The following AMD1 variants were observed in gnomAD, a reference collection of about 807,000 sequenced individuals.
AMD1 encodes the protein adenosylmethionine decarboxylase 1, also known as S-adenosylmethionine decarboxylase proenzyme.
Under a neutral mutation model 40.2 loss-of-function variants are expected in AMD1, and 11 were observed. That is an observed-to-expected ratio of 0.27 (90% confidence interval 0.17 to 0.45). The LOEUF is 0.45. Among genes scored for constraint, AMD1 ranks in the 20% least tolerant of loss-of-function variants. The probability of loss-of-function intolerance (pLI) is 1.00; values close to 1 mark genes in which losing one functional copy is unlikely to be tolerated. For synonymous variants in AMD1, 121 were observed against 130.8 expected, an observed-to-expected ratio of 0.93 and a Z score of 0.51; for missense variants, 257 against 410.2, an observed-to-expected ratio of 0.63 and a Z score of 3.23.
the AMD1 span, chr6:110,858,716 AAGGCTGGCC>A: frequency 1.2e-6 from 1 of 808,664 alleles, no homozygotes; most frequent in South Asian, 1.4e-5. Context: ...CGCCACCATG[AAGGCTGGCC>A]AGTGCACCAT....
In AMD1 at chr6:110,894,217, C is replaced by CAAA. The variant is rs1387169701; in HGVS notation, c.*601_*602insAAA. 2 of 152,978 alleles carry CAAA rather than the reference C, an allele frequency of 1.3e-5. No individual in the cohort carries two copies. The highest frequency in any genetic ancestry group is 2.4e-5 in the African/African-American group (1 of 41,450). 9.5% of individuals were successfully genotyped at this position (152,978 alleles called of 1,614,324 possible). ...TCCAGTTACTCATTTTGCATATTTG[C>CAAA]TATTTTAACATTATTGGACCCTGCA... On this transcript the variant is annotated 3_prime_UTR_variant, in exon 9 of 9. Transcript: ENST00000368885.
chr6:110,868,816 G>A, the AMD1 span, among the ~76,000 whole-genome samples: 6 of 152,030 alleles, frequency 3.9e-5, no homozygotes. Context: ...AGCACTTTGG[G>A]AGGCCAAGGT....
At chr6:110,841,201 T>C in the AMD1 span, among the ~76,000 whole-genome samples, 49,868 of 152,034 alleles carry the variant, frequency 0.33, 9,232 homozygotes, top group East Asian at 0.67. Flanking sequence ...TTAGTAGAGA[T>C]GGGGTTTCTC....
At chr6:110,866,921 C>G in the AMD1 span, among the ~76,000 whole-genome samples, 4 of 151,932 alleles carry the variant, frequency 2.6e-5, no homozygotes. Context: ...TCAAGCTAGT[C>G]TCCTGCCTCA....
At chr6:110,841,447 T>C in the AMD1 span, among the ~76,000 whole-genome samples, 2 of 152,246 alleles carry the variant, frequency 1.3e-5, no homozygotes, top group African/African-American at 2.4e-5. Flanking sequence ...CTCACGGGCA[T>C]GTCCCAGCTC....
At chr6:110,889,055 A>T (rs1334576115) in intron 3 of AMD1, 72 bp downstream of exon 3, 3 of 1,546,274 alleles carry the variant, frequency 1.9e-6, no homozygotes, top group Non-Finnish European at 2.6e-6. Flanking sequence ...ATGCGAAGTA[A>T]ATAAATTTAT....
chr6:110,814,764 C>T, the AMD1 span: 1 of 658,738 alleles, frequency 1.5e-6, no homozygotes, highest in Non-Finnish European at 2.8e-6. Context: ...GGAGGGCGCC[C>T]CTCTGGGACG....
At position 110,894,219 on chromosome 6, in the gene AMD1, AT is replaced by A. The variant is rs1303044981; in HGVS notation, c.*607del. ...CAGTTACTCATTTTGCATATTTGCTATTTTAACATTATTGGACCCTGCATTT... is the reference window on the plus strand; with the variant it reads ...CAGTTACTCATTTTGCATATTTGCTATTTAACATTATTGGACCCTGCATTT... On this transcript the variant is annotated 3_prime_UTR_variant, in exon 9 of 9. Transcript: ENST00000368885. 5 of 153,022 alleles carry A rather than the reference AT, an allele frequency of 3.3e-5. No individual in the cohort carries two copies. Among genetic ancestry groups the A allele is most frequent in the African/African-American group, 1.2e-4 (5 of 41,450 alleles). 9.5% of individuals were successfully genotyped at this position (153,022 alleles called of 1,614,324 possible). A position where few individuals can be genotyped will look rare whatever the true frequency, so the allele number is the denominator to read the frequency against.
At position 110,875,018 on chromosome 6, in the gene AMD1, A is replaced by T; in HGVS notation, c.-88A>T. The T allele has an allele frequency of 2.0e-6, 2 of 1,015,418 alleles. No homozygotes were observed. The highest frequency in any genetic ancestry group is 3.0e-6 in the Non-Finnish European group (2 of 664,182). The allele number at this position is 1,015,418 out of a possible 1,614,324, so 62.9% of individuals were successfully genotyped here. The stretch of plus-strand genomic sequence containing the variant: ...TGAACTTTAGTAACACAGCTGGAAC[A>T]ATCCGCAGCGGCGGCGGCAGCGGCG... On this transcript the variant is annotated 5_prime_UTR_variant, in exon 1 of 9. Transcript: ENST00000368885.
chr6:110,820,254 G>A, the AMD1 span, among the ~76,000 whole-genome samples: 1 of 95,780 alleles, frequency 1.0e-5, no homozygotes, highest in Non-Finnish European at 2.2e-5. Context: ...TTTTTTTTTT[G>A]AGATGGACTT....
the AMD1 span, chr6:110,815,326 T>C: frequency 7.3e-5 from 35 of 480,316 alleles, no homozygotes; most frequent in Admixed American, 4.6e-4. Flanking sequence ...AGCAGCCACC[T>C]CCTCCACCTC....
the AMD1 span, among the ~76,000 whole-genome samples, chr6:110,848,156 G>T: frequency 2.6e-5 from 4 of 152,194 alleles, no homozygotes; most frequent in East Asian, 7.7e-4. Flanking sequence ...TGTTTGGAAT[G>T]AAGAGCTTGA....
chr6:110,849,490 A>G, the AMD1 span, among the ~76,000 whole-genome samples: 2 of 152,248 alleles, frequency 1.3e-5, no homozygotes, highest in African/African-American at 4.8e-5. Flanking sequence ...TTGAAGATCA[A>G]TCTTTTGAAT....
chr6:110,872,595 T>C (rs1784937399), upstream of AMD1, among the ~76,000 whole-genome samples: 1 of 152,210 alleles, frequency 6.6e-6, no homozygotes, highest in African/African-American at 2.4e-5. Flanking sequence ...AAGCAAAGAT[T>C]AACCAACTTA....
At chr6:110,878,168 C>T (rs1165622057) in intron 1 of AMD1, among the ~76,000 whole-genome samples, 1 of 152,176 alleles carries the variant, frequency 6.6e-6, no homozygotes, top group East Asian at 1.9e-4. Context: ...TTCACGCATT[C>T]TTCTGGGAAA....
the AMD1 span, among the ~76,000 whole-genome samples, chr6:110,838,969 G>A: frequency 2.0e-5 from 3 of 152,180 alleles, no homozygotes; most frequent in African/African-American, 7.2e-5. Context: ...GTTTCAGCAT[G>A]TCGGCCAGGC....
the AMD1 span, among the ~76,000 whole-genome samples, chr6:110,817,217 GC>G: frequency 6.6e-6 from 1 of 152,170 alleles, no homozygotes; most frequent in African/African-American, 2.4e-5. Flanking sequence ...ATAGTGAACT[GC>G]CTGCTAGGTT....
At chr6:110,852,982 C>CTTTTTTTTTTT in the AMD1 span, among the ~76,000 whole-genome samples, 1 of 111,496 alleles carries the variant, frequency 9.0e-6, no homozygotes, top group Admixed American at 9.3e-5. Flanking sequence ...TAATTAAGCA[C>CTTTTTTTTTTT]TTTTTTTTTT....
At chr6:110,844,416 C>A in the AMD1 span, among the ~76,000 whole-genome samples, 1 of 151,658 alleles carries the variant, frequency 6.6e-6, no homozygotes, top group Non-Finnish European at 1.5e-5. Context: ...CCTTGGCCTC[C>A]TAAAGTGCTG....
Sources: allele counts gnomAD v4.1 joint callset (sites outside exome capture counted in the v4.1 genomes callset), GRCh38; gene constraint gnomAD v4.1.1; transcripts MANE v1.5; gene names NCBI Gene and HGNC (gene_info 2026-07-23, HGNC 2026-07-21).